The following SH3BP5 variants were observed in gnomAD, a reference collection of about 807,000 sequenced individuals.
SH3BP5 encodes SH3 domain-binding protein 5.
Under a neutral mutation model 43.3 loss-of-function variants are expected in SH3BP5, and 22 were observed. The observed-to-expected ratio is 0.51, with a 90% confidence interval of 0.36 to 0.73. The LOEUF (loss-of-function observed/expected upper bound fraction) is 0.73, where lower values mean the gene tolerates loss of function less well. Ranked by LOEUF, SH3BP5 falls within the 30% of genes least tolerant of loss-of-function variation. The pLI is 0.00. For synonymous variants in SH3BP5, 255 were observed against 225.8 expected (o/e 1.13, Z -1.16); for missense variants, 529 against 586.9 (o/e 0.90, Z 1.02).
intron 3 of SH3BP5, among the ~76,000 whole-genome samples, chr3:15,282,494 T>C (rs912139140): frequency 2.6e-5 from 4 of 152,150 alleles, no homozygotes; most frequent in African/African-American, 9.7e-5. Context: ...CACACAGTTC[T>C]TTCTTTAAAC....
chr3:15,256,840 G>C lies in SH3BP5; in HGVS notation c.1150+13C>G, dbSNP rs377474188. ...TGTGGCATCTGGGACGGGGTGAGAA[G>C]GCTGCTACTCACCTCGTTCTACTTC... On this transcript the variant is annotated intron_variant, in intron 8 of 8. Coordinates refer to ENST00000383791, the MANE Select transcript of SH3BP5 (RefSeq NM_004844.5). 2 of 1,598,858 alleles carry C rather than the reference G, an allele frequency of 1.3e-6. No individual in the cohort carries two copies. The highest frequency in any genetic ancestry group is 2.2e-5 in the South Asian group (2 of 89,952).
At chr3:15,303,473 G>A (rs1455940237) in intron 3 of SH3BP5, among the ~76,000 whole-genome samples, 1 of 152,132 alleles carries the variant, frequency 6.6e-6, no homozygotes, top group Non-Finnish European at 1.5e-5. Flanking sequence ...TCACACAGCA[G>A]CCAAAGGAAG....
Position 15,256,115 on chromosome 3 carries a change from C to T in SH3BP5, c.1339G>A (p.Ala447Thr), listed in dbSNP as rs763300970. Residue 447 changes from alanine (A) to threonine (T), a missense_variant, in exon 9 of 9, where the codon GCT (alanine) becomes ACT (threonine). By Grantham distance (58) the Ala-to-Thr change is moderately conservative (BLOSUM62 0). Coordinates refer to ENST00000383791, the MANE Select transcript of SH3BP5 (RefSeq NM_004844.5). Reference sequence around the variant, plus strand: ...CCAATCTGCACCATTTTTATGTCAGCAATAATTCCATCTCTTCCCTTTGAG... The same window carrying T: ...CCAATCTGCACCATTTTTATGTCAGTAATAATTCCATCTCTTCCCTTTGAG... ...QCSKGRDGII[A>T]DIKMVQIG 6.2e-7 allele frequency: 1 copy of T among 1,614,168 alleles called. No individual in the cohort carries two copies. The highest frequency in any genetic ancestry group is 1.1e-5 in the South Asian group (1 of 91,076).
chr3:15,264,355 C>A (rs1362165210), intron 4 of SH3BP5: 2 of 151,276 alleles, frequency 1.3e-5, no homozygotes, highest in Non-Finnish European at 2.9e-5. Context: ...TTGTAATAGT[C>A]CATTTTGCAT....
At chr3:15,281,864 C>T (rs899528919) in intron 3 of SH3BP5, among the ~76,000 whole-genome samples, 13 of 152,164 alleles carry the variant, frequency 8.5e-5, no homozygotes, top group African/African-American at 2.9e-4. Context: ...ATTAGCCGGG[C>T]GCGGTGGTGC....
At chr3:15,302,119 C>T (rs1697770657) in intron 3 of SH3BP5, among the ~76,000 whole-genome samples, 1 of 152,182 alleles carries the variant, frequency 6.6e-6, no homozygotes, top group African/African-American at 2.4e-5. Flanking sequence ...CTAACCTGAA[C>T]CCTCCATACT....
chr3:15,266,118 G>A (rs949979011), intron 4 of SH3BP5, among the ~76,000 whole-genome samples: 2 of 152,194 alleles, frequency 1.3e-5, no homozygotes, highest in Admixed American at 6.5e-5. Context: ...ACAGAGGGGC[G>A]GTCAGGAGCC....
chr3:15,286,948 A>G (rs550512746), intron 3 of SH3BP5, among the ~76,000 whole-genome samples: 1 of 152,152 alleles, frequency 6.6e-6, no homozygotes, highest in Non-Finnish European at 1.5e-5. Context: ...GCTCTCAAGG[A>G]GCTCACGGTT....
intron 2 of SH3BP5, among the ~76,000 whole-genome samples, chr3:15,329,829 A>C (rs1466746376): frequency 6.6e-6 from 1 of 152,230 alleles, no homozygotes; most frequent in Admixed American, 6.5e-5. Context: ...AGCAACCACT[A>C]CTGGAAAGGG....
At chr3:15,292,356 G>A (rs1697436150) in intron 3 of SH3BP5, among the ~76,000 whole-genome samples, 1 of 152,184 alleles carries the variant, frequency 6.6e-6, no homozygotes, top group African/African-American at 2.4e-5. Context: ...GCTCAGCCAT[G>A]CCTCTGTGAA....
Position 15,256,195 on chromosome 3 carries a change from G to C in SH3BP5, c.1259C>G (p.Thr420Ser). The change falls in exon 9 of 9, where the codon ACC becomes AGC. Residue 420 changes from threonine to serine, a missense_variant. Around this residue, in one of 3 missense-constraint regions of SH3BP5, gnomAD observed 369 missense variants for 384.3 expected, o/e 0.96. Transcript: ENST00000383791. ...CTCCAAGGCCTGGCCCTCAGGGGAG[G>C]TGCTGCTTTGGCTCTTACTGCTGCC... The part of the protein sequence containing the change: ...SGGSSKSQSS[T>S]SPEGQALENR... 2.5e-6 allele frequency: 4 copies of C among 1,614,168 alleles called. No homozygotes were observed. Among genetic ancestry groups the C allele is most frequent in the Non-Finnish European group, 3.4e-6 (4 of 1,180,018 alleles).
intron 1 of SH3BP5, chr3:15,339,884 T>C (rs558805048): frequency 6.6e-6 from 1 of 151,790 alleles, no homozygotes; most frequent in East Asian, 1.9e-4. Flanking sequence ...AGAAAGATCC[T>C]ATTGAAGTGA....
Position 15,256,211 on chromosome 3 carries a change from TA to T in SH3BP5, c.1242del (p.Ser414ArgfsTer18). 2 of 1,614,234 alleles carry T rather than the reference TA, an allele frequency of 1.2e-6. No homozygotes were observed. ...TCAGGGGAGGTGCTGCTTTGGCTCT[TA>T]CTGCTGCCACCACTGCCACTGCTAC... is the stretch of plus-strand genomic sequence containing the variant. Reference protein sequence around the residue: ...LSSSSGSGGSSKSQSSTSPEG... With the variant: ...LSSSSGSGGSXKSQSSTSPEG... On this transcript the variant is annotated frameshift_variant, in exon 9 of 9. Coordinates refer to ENST00000383791, the MANE Select transcript of SH3BP5 (RefSeq NM_004844.5). LOFTEE classifies it low-confidence loss of function (END_TRUNC).
intron 1 of SH3BP5, among the ~76,000 whole-genome samples, chr3:15,331,324 C>A (rs1698603377): frequency 6.6e-6 from 1 of 152,134 alleles, no homozygotes; most frequent in Non-Finnish European, 1.5e-5. Flanking sequence ...TTCATTTAAA[C>A]CCCAACCACT....
intron 4 of SH3BP5, among the ~76,000 whole-genome samples, chr3:15,264,107 C>CT (rs970615963): frequency 6.6e-6 from 1 of 152,156 alleles, no homozygotes; most frequent in Non-Finnish European, 1.5e-5. Flanking sequence ...TTACTTATTA[C>CT]TTACGATAAG....
intron 2 of SH3BP5, among the ~76,000 whole-genome samples, chr3:15,306,164 G>A (rs888626172): frequency 6.6e-6 from 1 of 152,012 alleles, no homozygotes; most frequent in African/African-American, 2.4e-5. Context: ...AGACCATCCT[G>A]GCTAACAAGG....
chr3:15,296,339 TATAC>T (rs1553616948), intron 3 of SH3BP5, among the ~76,000 whole-genome samples: 4 of 126,562 alleles, frequency 3.2e-5, no homozygotes, highest in African/African-American at 1.7e-4. Flanking sequence ...GGGGAAATCA[TATAC>T]ACACACACAC....
chr3:15,285,661 G>T (rs1054233254), intron 3 of SH3BP5, among the ~76,000 whole-genome samples: 1 of 152,222 alleles, frequency 6.6e-6, no homozygotes, highest in Non-Finnish European at 1.5e-5. Flanking sequence ...CAAACTCTTT[G>T]AAGGCACCGT....
intron 3 of SH3BP5, among the ~76,000 whole-genome samples, chr3:15,281,533 T>C (rs192281403): frequency 5.9e-5 from 9 of 152,168 alleles, no homozygotes; most frequent in African/African-American, 2.2e-4. Context: ...AGGTGGCCAG[T>C]TGCTCCCTCC....
Sources: allele counts gnomAD v4.1 joint callset (sites outside exome capture counted in the v4.1 genomes callset), GRCh38; gene constraint gnomAD v4.1.1; regional missense constraint gnomAD v4.1.1; transcripts MANE v1.5; gene names NCBI Gene and HGNC (gene_info 2026-07-23, HGNC 2026-07-21).